The following POU2F1 variants were observed in gnomAD, a reference collection of about 807,000 sequenced individuals.
The protein encoded by POU2F1 is POU domain, class 2, transcription factor 1.
POU2F1 carries 16 observed loss-of-function variants against 84.9 expected under a neutral mutation model. The observed-to-expected ratio is 0.19, with a 90% CI of 0.13 to 0.29. The LOEUF (loss-of-function observed/expected upper bound fraction) is 0.29, where lower values mean the gene tolerates loss of function less well. Among genes scored for constraint, POU2F1 ranks in the 10% least tolerant of loss-of-function variants. POU2F1 has a pLI of 1.00. For synonymous variants in POU2F1, 368 were observed against 368.3 expected (o/e 1.00, Z 0.01); for missense variants, 738 against 942.6 (o/e 0.78, Z 2.84).
chr1:167,329,356 G>A (rs1656926529), intron 1 of POU2F1: 1 of 1,532,704 alleles, frequency 6.5e-7, no homozygotes, highest in South Asian at 1.2e-5. Context: ...TGGAAATAGA[G>A]TGTGTCGGGT....
chr1:167,323,096 T>C (rs769826547), intron 1 of POU2F1, among the ~76,000 whole-genome samples: 40 of 152,220 alleles, frequency 2.6e-4, no homozygotes, highest in Admixed American at 6.5e-5. Flanking sequence ...GTCTTCCCAA[T>C]TCCTATGCCT....
At chr1:167,318,810 T>A (rs1435468161) in intron 1 of POU2F1, among the ~76,000 whole-genome samples, 1 of 152,166 alleles carries the variant, frequency 6.6e-6, no homozygotes, top group Non-Finnish European at 1.5e-5. Context: ...ATCCAAGAGC[T>A]ATCATTAGTG....
chr1:167,329,391 C>A, intron 1 of POU2F1: 1 of 1,430,958 alleles, frequency 7.0e-7, no homozygotes. Flanking sequence ...TGCTTAATCG[C>A]ATATGCAGCC....
intron 7 of POU2F1, chr1:167,379,984 T>G (rs967150228): frequency 3.3e-5 from 5 of 152,240 alleles, no homozygotes; most frequent in Non-Finnish European, 7.3e-5. Context: ...CTGATTGGCC[T>G]TAGAGCCAGT....
intron 2 of POU2F1, among the ~76,000 whole-genome samples, chr1:167,338,662 T>C (rs1657639037): frequency 6.6e-6 from 1 of 152,240 alleles, no homozygotes; most frequent in South Asian, 2.1e-4. Flanking sequence ...TTTGGAAAGA[T>C]GGTATTTCCC....
At chr1:167,265,367 T>G (rs1389597972) in intron 1 of POU2F1, among the ~76,000 whole-genome samples, 1 of 152,172 alleles carries the variant, frequency 6.6e-6, no homozygotes, top group Non-Finnish European at 1.5e-5. Flanking sequence ...GCCTCACAAG[T>G]TTAGCGTTTC....
intron 1 of POU2F1, among the ~76,000 whole-genome samples, chr1:167,251,778 A>T (rs1354263721): frequency 6.6e-6 from 1 of 152,030 alleles, no homozygotes; most frequent in East Asian, 1.9e-4. Context: ...ATCACGGAAC[A>T]TATTACAGGT....
chr1:167,272,741 C>T (rs1449836683), intron 1 of POU2F1, among the ~76,000 whole-genome samples: 1 of 152,176 alleles, frequency 6.6e-6, no homozygotes, highest in Non-Finnish European at 1.5e-5. Context: ...CATCCAACAT[C>T]GAGGATTACA....
intron 1 of POU2F1, among the ~76,000 whole-genome samples, chr1:167,290,793 A>G (rs1653871236): frequency 6.6e-6 from 1 of 152,212 alleles, no homozygotes; most frequent in Non-Finnish European, 1.5e-5. Context: ...CTGTAATCCC[A>G]ACACTGGGAA....
chr1:167,412,040 C>G lies in POU2F1; in HGVS notation c.1637C>G (p.Ser546Cys), dbSNP rs1231224054. Reference protein sequence around the residue: ...PPASSAVTSPSLSPSPSASAS... With the variant: ...PPASSAVTSPCLSPSPSASAS... ...GCTTCCTCAGCAGTCACGTCCCCCT[C>G]TCTGAGTCCCTCCCCTTCTGCCTCA... Residue 546 changes from serine (S) to cysteine (C), a missense_variant, in exon 14 of 16, where the codon TCT becomes TGT. Physicochemically the swap from Ser to Cys is moderately radical, Grantham distance 112 (BLOSUM62 -1). Coordinates refer to ENST00000367866, the MANE Select transcript of POU2F1 (RefSeq NM_002697.4). 1.2e-6 allele frequency: 2 copies of G among 1,614,148 alleles called. No individual in the cohort carries two copies.
At chr1:167,341,737 T>C (rs1657871812) in intron 2 of POU2F1, among the ~76,000 whole-genome samples, 1 of 152,190 alleles carries the variant, frequency 6.6e-6, no homozygotes, top group South Asian at 2.1e-4. Flanking sequence ...TACAGACAGC[T>C]TAAGTGTTAG....
rs149209676 is a variant in POU2F1 at position 167,352,869 on chromosome 1, G to A, written c.128-12598G>A. On this transcript the variant is annotated intron_variant, in intron 2 of 15. Coordinates refer to ENST00000367866, the MANE Select transcript of POU2F1 (RefSeq NM_002697.4). The stretch of plus-strand genomic sequence containing the variant: ...TTGAGGAAGTACCAAATGTGTTTTC[G>A]TAGTAAGAAGGTATAGATTATTGCT... Among the ~76,000 whole-genome samples the A allele has an allele frequency of 1.4e-4, 22 of 152,262 alleles. No homozygotes were observed. The East Asian group carries it at 2.5e-3, about 17-fold the overall frequency.
chr1:167,403,532 A>C (rs1361614278), intron 13 of POU2F1, among the ~76,000 whole-genome samples: 1 of 152,048 alleles, frequency 6.6e-6, no homozygotes, highest in African/African-American at 2.4e-5. Context: ...TCCTCTTTGG[A>C]CTGTAACTTT....
At chr1:167,378,275 G>A (rs1234604527) in intron 7 of POU2F1, among the ~76,000 whole-genome samples, 1 of 152,094 alleles carries the variant, frequency 6.6e-6, no homozygotes, top group East Asian at 1.9e-4. Flanking sequence ...CACTCTTGTT[G>A]CCCAGGCTGG....
At chr1:167,393,832 A>C (rs928252945) in intron 9 of POU2F1, among the ~76,000 whole-genome samples, 1 of 152,166 alleles carries the variant, frequency 6.6e-6, no homozygotes, top group Non-Finnish European at 1.5e-5. Flanking sequence ...CTGCTACATA[A>C]GTTTATATAC....
chr1:167,382,902 C>T (rs1438387139), intron 7 of POU2F1, among the ~76,000 whole-genome samples: 1 of 152,114 alleles, frequency 6.6e-6, no homozygotes, highest in Admixed American at 6.5e-5. Flanking sequence ...AATTCTATGG[C>T]TAATCTCTGG....
intron 1 of POU2F1, among the ~76,000 whole-genome samples, chr1:167,325,953 T>G (rs1161094984): frequency 6.6e-6 from 1 of 151,734 alleles, no homozygotes; most frequent in Non-Finnish European, 1.5e-5. Flanking sequence ...GTTTGTCCCC[T>G]CTTTTAGAAA....
intron 1 of POU2F1, among the ~76,000 whole-genome samples, chr1:167,294,596 A>G (rs773847895): frequency 1.7e-4 from 26 of 152,212 alleles, no homozygotes; most frequent in Non-Finnish European, 3.8e-4. Context: ...TAATTCCATC[A>G]AAAAGTGAGT....
chr1:167,349,727 G>T (rs759629843), intron 2 of POU2F1, among the ~76,000 whole-genome samples: 1 of 152,084 alleles, frequency 6.6e-6, no homozygotes, highest in Non-Finnish European at 1.5e-5. Flanking sequence ...TTTACAGCAG[G>T]ATCTTTTGCT....
Sources: gnomAD v4.1 joint callset for allele counts (sites outside exome capture counted in the v4.1 genomes callset) on GRCh38, gnomAD v4.1.1 for gene constraint, MANE v1.5 for transcripts, NCBI Gene and HGNC (gene_info 2026-07-23, HGNC 2026-07-21) for gene names.